NKD1: variants seen among roughly 807,000 people sequenced by gnomAD.
NKD1 encodes the protein protein naked cuticle homolog 1.
In NKD1, 21 loss-of-function variants were observed where a neutral mutation model predicts 56.0. The observed-to-expected ratio is 0.38, with a 90% confidence interval of 0.27 to 0.54. The LOEUF (loss-of-function observed/expected upper bound fraction) is 0.54, where lower values mean the gene tolerates loss of function less well. Among genes scored for constraint, NKD1 ranks in the 20% least tolerant of loss-of-function variants. The pLI, the probability that NKD1 is intolerant of heterozygous loss-of-function variation, is 0.82. For missense variants in NKD1, 578 were observed against 642.7 expected (o/e 0.90, Z 1.09); for synonymous variants, 263 against 265.7 (o/e 0.99, Z 0.10).
At chr16:50,556,110 G>A (rs1960497336) in intron 3 of NKD1, 1 of 152,192 alleles carries the variant, frequency 6.6e-6, no homozygotes, top group Non-Finnish European at 1.5e-5. Context: ...CTGGAAGGAG[G>A]ACTTTGATGT....
rs1399595476 is a variant in NKD1, at chr16:50,634,698, T to C, written c.*917T>C. 1 of 152,386 alleles carries C rather than the reference T, an allele frequency of 6.6e-6. No homozygotes were observed. Among genetic ancestry groups the C allele is most frequent in the Non-Finnish European group, 1.5e-5 (1 of 68,060 alleles). The allele number at this position is 152,386 out of a possible 1,614,324, so 9.4% of individuals were successfully genotyped here. A position where few individuals can be genotyped will look rare whatever the true frequency, so the allele number is the denominator to read the frequency against. On this transcript the variant is annotated 3_prime_UTR_variant, in exon 10 of 10. Transcript: ENST00000268459. ...GATGCCATCTGTCCATTTCTATGTA[T>C]CTTTCTATAAATATACACTCTCAGG...
At chr16:50,586,067 C>T (rs1961221594) in intron 3 of NKD1, among the ~76,000 whole-genome samples, 1 of 152,094 alleles carries the variant, frequency 6.6e-6, no homozygotes, top group South Asian at 2.1e-4. Flanking sequence ...CTTAGATTCA[C>T]CCTCCACCCA....
intron 3 of NKD1, among the ~76,000 whole-genome samples, chr16:50,587,948 C>T (rs889977895): frequency 3.9e-5 from 6 of 152,212 alleles, no homozygotes; most frequent in East Asian, 3.8e-4. Context: ...ATCCCGAAAC[C>T]GTCTGCCGAC....
intron 3 of NKD1, among the ~76,000 whole-genome samples, chr16:50,591,682 T>C (rs945179387): frequency 1.3e-5 from 2 of 152,200 alleles, no homozygotes; most frequent in Non-Finnish European, 2.9e-5. Flanking sequence ...CCCAGTGAGC[T>C]GGACTGAGAA....
chr16:50,549,594 T>G, intron 3 of NKD1, 39 bp downstream of exon 3: 1 of 1,522,748 alleles, frequency 6.6e-7, no homozygotes, highest in Non-Finnish European at 8.8e-7. Context: ...CTGGCCTCCT[T>G]TCAGCCTCAG....
intron 3 of NKD1, among the ~76,000 whole-genome samples, chr16:50,567,513 G>A (rs150636182): frequency 6.6e-6 from 1 of 152,348 alleles, no homozygotes; most frequent in Non-Finnish European, 1.5e-5. Context: ...TTCTCTAGGT[G>A]TCTTGGAGTT....
chr16:50,617,270 G>A (rs935265401), intron 4 of NKD1, among the ~76,000 whole-genome samples: 8 of 152,194 alleles, frequency 5.3e-5, no homozygotes, highest in African/African-American at 1.9e-4. Context: ...TTCTTCTTTC[G>A]CTCTCTCTTC....
chr16:50,570,229 T>C (rs1041524674), intron 3 of NKD1, among the ~76,000 whole-genome samples: 2 of 152,228 alleles, frequency 1.3e-5, no homozygotes. Flanking sequence ...AAATTACATG[T>C]GTGGCTTGTA....
At chr16:50,551,561 C>T (rs551038714) in intron 3 of NKD1, among the ~76,000 whole-genome samples, 1 of 152,264 alleles carries the variant, frequency 6.6e-6, no homozygotes, top group African/African-American at 2.4e-5. Context: ...CCTGGGTTTT[C>T]ACCAACCTTG....
At chr16:50,567,778 G>A (rs2151265799) in intron 3 of NKD1, among the ~76,000 whole-genome samples, 1 of 152,322 alleles carries the variant, frequency 6.6e-6, no homozygotes, top group Non-Finnish European at 1.5e-5. Flanking sequence ...ATGTGAACTG[G>A]TGCTTTGCTT....
chr16:50,631,828 G>T (rs1461097148), intron 8 of NKD1, among the ~76,000 whole-genome samples: 1 of 152,210 alleles, frequency 6.6e-6, no homozygotes, highest in African/African-American at 2.4e-5. Context: ...ATCCTGGGCC[G>T]TAGGGCAGGT....
In NKD1 at chr16:50,642,050, A is replaced by C. The variant is rs1962589277; in HGVS notation, c.*8269A>C. 2 of 152,380 alleles carry C rather than the reference A, an allele frequency of 1.3e-5. No individual in the cohort carries two copies. Among genetic ancestry groups the C allele is most frequent in the Non-Finnish European group, 2.9e-5 (2 of 68,054 alleles). 9.4% of individuals were successfully genotyped at this position (152,380 alleles called of 1,614,324 possible). A position where few individuals can be genotyped will look rare whatever the true frequency, so the allele number is the denominator to read the frequency against. On this transcript the variant is annotated 3_prime_UTR_variant, in exon 10 of 10. Coordinates refer to ENST00000268459, the MANE Select transcript of NKD1 (RefSeq NM_033119.5). ...GACCTAATGAGGCCCGCTTGGCTTC[A>C]GCTCCAGGGACTTTGGAGATTTAAG...
At chr16:50,610,752 G>A (rs889779805) in intron 4 of NKD1, among the ~76,000 whole-genome samples, 1 of 152,224 alleles carries the variant, frequency 6.6e-6, no homozygotes, top group African/African-American at 2.4e-5. Flanking sequence ...TGTAAAGCCG[G>A]CCCTAATCCA....
intron 3 of NKD1, chr16:50,606,978 C>T (rs1383971435): frequency 2.2e-6 from 1 of 456,876 alleles, no homozygotes; most frequent in Admixed American, 2.3e-5. Flanking sequence ...GCTCTGTTAA[C>T]ACAAACAGCC....
At position 50,630,255 on chromosome 16, in the gene NKD1, A is replaced by G; in HGVS notation, c.532A>G (p.Ser178Gly). Residue 178 changes from serine to glycine, a missense_variant, in exon 7 of 10, where the codon AGC becomes GGC. Transcript: ENST00000268459. ...DSSVNHSPTS[S>G]KMLRVKLTVA... The stretch of plus-strand genomic sequence containing the variant: ...CTCTGTCAACCACTCCCCAACATCC[A>G]GCAAGATGCTGCGGGTAAAGCTCAC... 3 of 1,614,160 alleles carry G rather than the reference A, an allele frequency of 1.9e-6. No individual in the cohort carries two copies. Among genetic ancestry groups the G allele is most frequent in the Non-Finnish European group, 2.5e-6 (3 of 1,180,012 alleles).
At position 50,636,004 on chromosome 16, in the gene NKD1, G is replaced by C. The variant is rs1160122893; in HGVS notation, c.*2223G>C. The C allele has an allele frequency of 6.6e-6, 1 of 152,232 alleles. No homozygotes were observed. The highest frequency in any genetic ancestry group is 2.4e-5 in the African/African-American group (1 of 41,460). 9.4% of individuals were successfully genotyped at this position (152,232 alleles called of 1,614,324 possible). On this transcript the variant is annotated 3_prime_UTR_variant, in exon 10 of 10. Coordinates refer to ENST00000268459, the MANE Select transcript of NKD1 (RefSeq NM_033119.5). ...TACTCAACTACATGCTTTTGTCAGG[G>C]AACCCTGGCTGCTGGCCTTCTGGGT...
intron 3 of NKD1, among the ~76,000 whole-genome samples, chr16:50,592,104 G>T (rs1483029394): frequency 6.6e-6 from 1 of 152,234 alleles, no homozygotes; most frequent in Admixed American, 6.5e-5. Context: ...AAGGCCACAG[G>T]GAGACGCCAG....
intron 3 of NKD1, among the ~76,000 whole-genome samples, chr16:50,560,823 C>CATCTATCTATCTATCTATCTATCT (rs150440223): frequency 1.1e-3 from 168 of 148,660 alleles, no homozygotes; most frequent in South Asian, 1.1e-3. Context: ...TACCCAAACC[C>CATCTATCTATCTATCTATCTATCT]ATCTATCTAT....
Position 50,588,819 on chromosome 16 carries a change from G to A in NKD1, c.193-19475G>A, listed in dbSNP as rs1961287463. Among the ~76,000 whole-genome samples the A allele has an allele frequency of 2.6e-5, 4 of 151,878 alleles. No homozygotes were observed. In the South Asian group the frequency reaches 8.3e-4, roughly 32 times the overall value. On this transcript the variant is annotated intron_variant, in intron 3 of 9. Coordinates refer to ENST00000268459, the MANE Select transcript of NKD1 (RefSeq NM_033119.5). The stretch of plus-strand genomic sequence containing the variant: ...GGGTTTCACCATGTTGGCCAGGCTG[G>A]TCTCAAACTCCTGACGTCAAGGGAT...
Sources: gnomAD v4.1 joint callset for allele counts (sites outside exome capture counted in the v4.1 genomes callset) on GRCh38, gnomAD v4.1.1 for gene constraint, MANE v1.5 for transcripts, NCBI Gene and HGNC (gene_info 2026-07-23, HGNC 2026-07-21) for gene names.